CCDC85C: variants seen among roughly 807,000 people sequenced by gnomAD.
CCDC85C encodes the protein coiled-coil domain containing 85C, also known as coiled-coil domain-containing protein 85C.
Under a neutral mutation model 38.3 loss-of-function variants are expected in CCDC85C, and 18 were observed. The ratio of observed to expected loss-of-function variants is 0.47; its 90% CI spans 0.33 to 0.70. The LOEUF (loss-of-function observed/expected upper bound fraction) is 0.70, where lower values mean the gene tolerates loss of function less well. Ranked by LOEUF, CCDC85C falls within the 30% of genes least tolerant of loss-of-function variation. The pLI, the probability that CCDC85C is intolerant of heterozygous loss-of-function variation, is 0.03. For missense variants in CCDC85C, 566 were observed against 621.2 expected (o/e 0.91, Z 0.94); for synonymous variants, 264 against 293.8 (o/e 0.90, Z 1.04).
chr14:99,542,770 G>A (rs113832051), intron 1 of CCDC85C, among the ~76,000 whole-genome samples: 2,656 of 152,318 alleles, frequency 0.017, 60 homozygotes, highest in African/African-American at 0.059. Context: ...GCCACTGCCC[G>A]CATGCCAGGC....
intron 1 of CCDC85C, among the ~76,000 whole-genome samples, chr14:99,556,796 G>C (rs994552757): frequency 6.6e-6 from 1 of 151,958 alleles, no homozygotes; most frequent in Non-Finnish European, 1.5e-5. Flanking sequence ...CAAAGTTCTC[G>C]GATTACAGGT....
At chr14:99,561,415 G>A (rs951312472) in intron 1 of CCDC85C, among the ~76,000 whole-genome samples, 1 of 152,204 alleles carries the variant, frequency 6.6e-6, no homozygotes, top group African/African-American at 2.4e-5. Context: ...CAGCAGGGGT[G>A]GGGCCTGGGC....
intron 1 of CCDC85C, among the ~76,000 whole-genome samples, chr14:99,571,881 C>T (rs1898353000): frequency 6.6e-6 from 1 of 152,198 alleles, no homozygotes; most frequent in Non-Finnish European, 1.5e-5. Context: ...CTTTCTGGCA[C>T]CTCTTGGCAC....
intron 1 of CCDC85C, among the ~76,000 whole-genome samples, chr14:99,597,654 T>C (rs2144801): frequency 0.75 from 114,222 of 152,036 alleles, 44,446 homozygotes; most frequent in South Asian, 0.88. Flanking sequence ...CCCCTAAGAG[T>C]TATCTCCCCA....
chr14:99,584,174 C>T (rs1041034253), intron 1 of CCDC85C, among the ~76,000 whole-genome samples: 3 of 152,090 alleles, frequency 2.0e-5, no homozygotes, highest in Non-Finnish European at 2.9e-5. Context: ...ACTACAGGTG[C>T]GCATAGCCGT....
Position 99,572,724 on chromosome 14 carries a change from A to T in CCDC85C, c.793+30443T>A, listed in dbSNP as rs1465918815. 2 of 456,092 alleles carry T rather than the reference A, an allele frequency of 4.4e-6. No individual in the cohort carries two copies. The highest frequency in any genetic ancestry group is 8.8e-6 in the Non-Finnish European group (2 of 226,810). 28.3% of individuals were successfully genotyped at this position (456,092 alleles called of 1,614,324 possible). A position where few individuals can be genotyped will look rare whatever the true frequency, so the allele number is the denominator to read the frequency against. ...TCTGCTCTTCCTAGCACTCACCAGG[A>T]TATGAAACTGTCCCATCCATGGATT... On this transcript the variant is annotated intron_variant, in intron 1 of 5. Coordinates refer to ENST00000380243, the MANE Select transcript of CCDC85C (RefSeq NM_001144995.2). The surrounding 1 kb of genome is among the most constrained non-coding windows in gnomAD (Gnocchi z 4.4).
intron 1 of CCDC85C, among the ~76,000 whole-genome samples, chr14:99,600,631 T>C (rs1196029801): frequency 6.6e-6 from 1 of 152,184 alleles, no homozygotes; most frequent in African/African-American, 2.4e-5. Flanking sequence ...ACTTCCAATG[T>C]CAGCCACCTT....
intron 1 of CCDC85C, among the ~76,000 whole-genome samples, chr14:99,599,550 G>A (rs1031647279): frequency 4.6e-5 from 7 of 152,100 alleles, no homozygotes; most frequent in African/African-American, 9.7e-5. Context: ...CTAGAGCAAC[G>A]CACAGCCCAG....
chr14:99,604,098 T>TGCGG lies in CCDC85C; in HGVS notation c.-140_-139insCCGC. 5.6e-6 allele frequency: 4 copies of TGCGG among 718,834 alleles called. No homozygotes were observed. The highest frequency in any genetic ancestry group is 6.7e-6 in the Non-Finnish European group (4 of 594,486). The allele number at this position is 718,834 out of a possible 1,614,324, so 44.5% of individuals were successfully genotyped here. ...GGCCCGCCCCGCGCCGCCTGGCGCG[T>TGCGG]CCTCTCGCCGCGCCCGCCGGGGCCG... On this transcript the variant is annotated 5_prime_UTR_variant, in exon 1 of 6. Transcript: ENST00000380243.
intron 1 of CCDC85C, among the ~76,000 whole-genome samples, chr14:99,538,426 C>T (rs922093644): frequency 1.3e-5 from 2 of 152,244 alleles, no homozygotes; most frequent in Non-Finnish European, 1.5e-5. Context: ...CCACAGGGCC[C>T]CTGCTCACCA....
At chr14:99,515,527 G>C (rs1897209143) in intron 5 of CCDC85C, among the ~76,000 whole-genome samples, 192 bp from the exon 6 acceptor site, 1 of 152,224 alleles carries the variant, frequency 6.6e-6, no homozygotes, top group Non-Finnish European at 1.5e-5. Flanking sequence ...TATCGGGCCT[G>C]AGCAGGTCAC....
chr14:99,603,117 A>G lies in CCDC85C; in HGVS notation c.793+50T>C. 7.8e-7 allele frequency: 1 copy of G among 1,282,756 alleles called. No individual in the cohort carries two copies. The highest frequency in any genetic ancestry group is 2.4e-5 in the South Asian group (1 of 41,694). 79.5% of individuals were successfully genotyped at this position (1,282,756 alleles called of 1,614,324 possible). A position where few individuals can be genotyped will look rare whatever the true frequency, so the allele number is the denominator to read the frequency against. ...ACCTCCTCTCGCCGCAGCCTGGGAA[A>G]AGGGCTGCAGCCAGGGAGACCCGCG... On this transcript the variant is annotated intron_variant, in intron 1 of 5. Coordinates refer to ENST00000380243, the MANE Select transcript of CCDC85C (RefSeq NM_001144995.2). The surrounding 1 kb of genome is among the most constrained non-coding windows in gnomAD (Gnocchi z 7.5).
Position 99,572,239 on chromosome 14 carries a change from C to T in CCDC85C, c.793+30928G>A, listed in dbSNP as rs894067707. 1.1e-4 allele frequency among the ~76,000 whole-genome samples: 16 copies of T among 152,228 alleles called. No individual in the cohort carries two copies. The highest frequency in any genetic ancestry group is 1.8e-4 in the Non-Finnish European group (12 of 68,034). On this transcript the variant is annotated intron_variant, in intron 1 of 5. Transcript: ENST00000380243. This position sits in a 1 kb window ranked among gnomAD's most constrained non-coding sequence, Gnocchi z 4.4. ...CCAGCAGCGTTAGTGAATGGCCAGG[C>T]TGTGGCCCTCCCCGAGAGTCCCTCC...
chr14:99,599,711 G>A (rs1595111693), intron 1 of CCDC85C, among the ~76,000 whole-genome samples: 1 of 152,076 alleles, frequency 6.6e-6, no homozygotes, highest in African/African-American at 2.4e-5. Context: ...GCAACATAGT[G>A]AGATCCAGTC....
At chr14:99,580,733 C>G (rs188984245) in intron 1 of CCDC85C, among the ~76,000 whole-genome samples, 1 of 152,010 alleles carries the variant, frequency 6.6e-6, no homozygotes, top group African/African-American at 2.4e-5. Flanking sequence ...GGCATGGTGG[C>G]GGGCACCTAT....
At position 99,510,910 on chromosome 14, in the gene CCDC85C, C is replaced by CG; in HGVS notation, c.*4335dup. 1.2e-6 allele frequency: 1 copy of CG among 827,458 alleles called. No homozygotes were observed. The highest frequency in any genetic ancestry group is 1.7e-6 in the Non-Finnish European group (1 of 604,858). The allele number at this position is 827,458 out of a possible 1,614,324, so 51.3% of individuals were successfully genotyped here. A position where few individuals can be genotyped will look rare whatever the true frequency, so the allele number is the denominator to read the frequency against. The stretch of plus-strand genomic sequence containing the variant: ...CAGTTGCAGTATGGGAAGAATGGAC[C>CG]GGGCCCCTGGGATAAAATCAGAGTG... On this transcript the variant is annotated 3_prime_UTR_variant, in exon 6 of 6. Coordinates refer to ENST00000380243, the MANE Select transcript of CCDC85C (RefSeq NM_001144995.2).
chr14:99,578,773 C>T (rs758565404), intron 1 of CCDC85C, among the ~76,000 whole-genome samples: 7 of 152,194 alleles, frequency 4.6e-5, no homozygotes, highest in Non-Finnish European at 7.3e-5. Flanking sequence ...CTAATACAAG[C>T]GCTGCTGCCC....
chr14:99,517,085 C>T lies in CCDC85C; in HGVS notation c.1071+3G>A. The stretch of plus-strand genomic sequence containing the variant: ...TTCTGAGGGAGCGGGTAGTGGCCCT[C>T]ACCTTCATGGCATGCACGACAGCCT... On this transcript the variant is annotated splice_donor_region_variant and intron_variant, in intron 4 of 5. Transcript: ENST00000380243. 1.9e-6 allele frequency: 3 copies of T among 1,550,468 alleles called. No individual in the cohort carries two copies. Among genetic ancestry groups the T allele is most frequent in the Non-Finnish European group, 1.7e-6 (2 of 1,146,862 alleles).
At chr14:99,561,930 C>T (rs74083723) in intron 1 of CCDC85C, among the ~76,000 whole-genome samples, 170 of 152,334 alleles carry the variant, frequency 1.1e-3, no homozygotes, top group African/African-American at 3.9e-3. Context: ...CCTTGCCTGG[C>T]ATGCAGTGAC....
Sources: allele counts gnomAD v4.1 joint callset (sites outside exome capture counted in the v4.1 genomes callset), GRCh38; gene constraint gnomAD v4.1.1; non-coding constraint Gnocchi (gnomAD v3.1); transcripts MANE v1.5; gene names NCBI Gene and HGNC (gene_info 2026-07-23, HGNC 2026-07-21).